The following ZMAT4 variants were observed in gnomAD, a reference collection of about 807,000 sequenced individuals.
ZMAT4 encodes zinc finger matrin-type protein 4.
ZMAT4 carries 17 observed loss-of-function variants against 28.7 expected under a neutral mutation model. The observed-to-expected ratio is 0.59, with a 90% CI of 0.41 to 0.89. The LOEUF (loss-of-function observed/expected upper bound fraction) is 0.89. ZMAT4 is among the 40% of genes least tolerant of loss of function. The probability of loss-of-function intolerance (pLI) is 0.00; values close to 1 mark genes in which losing one functional copy is unlikely to be tolerated. For missense variants in ZMAT4, 240 were observed against 283.8 expected (o/e 0.85, Z 1.11); for synonymous variants, 117 against 109.2 (o/e 1.07, Z -0.44).
intron 3 of ZMAT4, among the ~76,000 whole-genome samples, chr8:40,717,464 T>C (rs1810905305): frequency 6.6e-6 from 1 of 151,996 alleles, no homozygotes; most frequent in Admixed American, 6.6e-5. Flanking sequence ...AGACCAGCCT[T>C]GGCAACACAG....
At chr8:40,825,450 A>G in intron 2 of ZMAT4, 125 bp downstream of exon 2, 3 of 757,928 alleles carry the variant, frequency 4.0e-6, no homozygotes, top group South Asian at 3.4e-5. Flanking sequence ...CAGACTGTAC[A>G]GGCTCAAGTC....
intron 3 of ZMAT4, among the ~76,000 whole-genome samples, chr8:40,699,536 A>G (rs1157344901): frequency 2.6e-5 from 4 of 152,106 alleles, no homozygotes; most frequent in African/African-American, 4.8e-5. Flanking sequence ...TCACAATAGC[A>G]AATATATTGA....
chr8:40,795,284 C>G (rs943827690), intron 2 of ZMAT4, among the ~76,000 whole-genome samples: 1 of 152,116 alleles, frequency 6.6e-6, no homozygotes, highest in African/African-American at 2.4e-5. Context: ...ACGTGAAACA[C>G]CCATGCAAAG....
chr8:40,598,137 G>A (rs993325993), intron 5 of ZMAT4, among the ~76,000 whole-genome samples: 2 of 152,160 alleles, frequency 1.3e-5, no homozygotes, highest in African/African-American at 2.4e-5. Flanking sequence ...ACGTCAATAT[G>A]TGAGTGATAT....
At chr8:40,866,103 C>T (rs1817668981) in intron 1 of ZMAT4, among the ~76,000 whole-genome samples, 2 of 152,228 alleles carry the variant, frequency 1.3e-5, no homozygotes, top group Non-Finnish European at 2.9e-5. Context: ...CTATCACCAA[C>T]CCTGACCTTC....
At chr8:40,872,719 A>G (rs1268600242) in intron 1 of ZMAT4, among the ~76,000 whole-genome samples, 2 of 152,158 alleles carry the variant, frequency 1.3e-5, no homozygotes, top group Non-Finnish European at 1.5e-5. Context: ...TTAGAATTAT[A>G]AGACAATTAT....
intron 3 of ZMAT4, among the ~76,000 whole-genome samples, chr8:40,760,674 G>A (rs558199884): frequency 1.7e-4 from 26 of 148,832 alleles, no homozygotes; most frequent in Admixed American, 6.7e-4. Flanking sequence ...CATTCTGACC[G>A]CAAAGATCTC....
rs1240371713 is a variant in ZMAT4, at chr8:40,601,055, C to T, written c.578-19794G>A. Among the ~76,000 whole-genome samples, 6 of 152,236 alleles carry T rather than the reference C, an allele frequency of 3.9e-5. No homozygotes were observed. In the East Asian group the frequency reaches 9.7e-4, roughly 25 times the overall value. The stretch of plus-strand genomic sequence containing the variant: ...AAAATGAGACTCACTTTTAGCACCC[C>T]ATTGCTTGAATATTTTCAGCTGTTG... On this transcript the variant is annotated intron_variant, in intron 5 of 6. Transcript: ENST00000297737.
intron 4 of ZMAT4, among the ~76,000 whole-genome samples, chr8:40,694,390 C>A (rs150312619): frequency 6.6e-6 from 1 of 152,162 alleles, no homozygotes; most frequent in East Asian, 1.9e-4. Context: ...TTGTTTTCTA[C>A]GCGTGGTCTC....
At chr8:40,603,828 T>C (rs370656492) in intron 5 of ZMAT4, among the ~76,000 whole-genome samples, 21 of 152,140 alleles carry the variant, frequency 1.4e-4, no homozygotes, top group African/African-American at 5.1e-4. Context: ...GATGGGGTTT[T>C]ACTGTGTTAG....
intron 1 of ZMAT4, among the ~76,000 whole-genome samples, chr8:40,870,393 GT>G (rs1170032465): frequency 2.0e-5 from 3 of 152,142 alleles, no homozygotes; most frequent in African/African-American, 4.8e-5. Context: ...TAATTAAAAT[GT>G]TTTTTCTCCT....
At chr8:40,729,648 G>A (rs1238295432) in intron 3 of ZMAT4, among the ~76,000 whole-genome samples, 2 of 149,052 alleles carry the variant, frequency 1.3e-5, no homozygotes, top group African/African-American at 5.0e-5. Context: ...AGGCTGGAGT[G>A]CAGTGGCACA....
At chr8:40,689,468 A>T (rs1004789142) in intron 4 of ZMAT4, among the ~76,000 whole-genome samples, 1 of 152,252 alleles carries the variant, frequency 6.6e-6, no homozygotes, top group Non-Finnish European at 1.5e-5. Context: ...CACCTATTGC[A>T]TCTGATTCTT....
At chr8:40,561,988 C>G (rs562686175) in intron 6 of ZMAT4, among the ~76,000 whole-genome samples, 2 of 152,264 alleles carry the variant, frequency 1.3e-5, no homozygotes, top group African/African-American at 4.8e-5. Flanking sequence ...TCCTAGTGGT[C>G]TTGCTTCTCT....
intron 1 of ZMAT4, among the ~76,000 whole-genome samples, chr8:40,864,754 G>C (rs540623984): frequency 3.3e-5 from 5 of 152,314 alleles, no homozygotes; most frequent in African/African-American, 1.2e-4. Flanking sequence ...AACATAGAGA[G>C]AGCCTCTAGC....
intron 1 of ZMAT4, among the ~76,000 whole-genome samples, chr8:40,889,541 G>A (rs1392726848): frequency 6.6e-6 from 1 of 152,166 alleles, no homozygotes; most frequent in Non-Finnish European, 1.5e-5. Context: ...CCAAAATGCA[G>A]TGATAACCAC....
At chr8:40,574,220 A>T (rs1258272851) in intron 6 of ZMAT4, among the ~76,000 whole-genome samples, 2 of 152,174 alleles carry the variant, frequency 1.3e-5, no homozygotes, top group Non-Finnish European at 2.9e-5. Flanking sequence ...AGTGTAGTTG[A>T]TGTTGGTGTA....
intron 1 of ZMAT4, among the ~76,000 whole-genome samples, chr8:40,886,855 G>A (rs1818466558): frequency 6.7e-6 from 1 of 150,070 alleles, no homozygotes; most frequent in African/African-American, 2.5e-5. Context: ...GAACACTTGT[G>A]ATTGGAATGA....
At chr8:40,594,204 C>T (rs547382047) in intron 5 of ZMAT4, among the ~76,000 whole-genome samples, 177 of 152,282 alleles carry the variant, frequency 1.2e-3, no homozygotes, top group African/African-American at 3.3e-3. Flanking sequence ...GGACACATGA[C>T]GGGGCCTCCC....
Sources: allele counts gnomAD v4.1 joint callset (sites outside exome capture counted in the v4.1 genomes callset), GRCh38; gene constraint gnomAD v4.1.1; transcripts MANE v1.5; gene names NCBI Gene and HGNC (gene_info 2026-07-23, HGNC 2026-07-21).